The following PRKX variants were observed in gnomAD, a reference collection of about 807,000 sequenced individuals.
PRKX encodes protein kinase cAMP-dependent X-linked catalytic subunit.
A neutral mutation model predicts 22.0 loss-of-function variants in PRKX; 12 were observed. The observed-to-expected ratio is 0.54, with a 90% confidence interval of 0.35 to 0.88. The LOEUF (loss-of-function observed/expected upper bound fraction) is 0.88. Ranked by LOEUF, PRKX falls within the 40% of genes least tolerant of loss-of-function variation. The pLI, the probability that PRKX is intolerant of heterozygous loss-of-function variation, is 0.01. For missense variants in PRKX, 217 were observed against 308.0 expected (o/e 0.70, Z 2.21); for synonymous variants, 134 against 137.7 (o/e 0.97, Z 0.19).
intron 1 of PRKX, among the ~76,000 whole-genome samples, chrX:3,706,295 C>T (rs1357383896): frequency 1.9e-5 from 2 of 107,042 alleles, no homozygotes; most frequent in Non-Finnish European, 3.9e-5. Context: ...AGCAATCCTC[C>T]TGCCTCAGCC....
intron 1 of PRKX, among the ~76,000 whole-genome samples, chrX:3,686,431 C>T (rs1282084726): frequency 1.4e-4 from 15 of 104,529 alleles, no homozygotes; most frequent in African/African-American, 5.0e-4. Flanking sequence ...GACATGGGGT[C>T]TCACTCTGTT....
chrX:3,665,533 G>A (rs780022589), intron 2 of PRKX, among the ~76,000 whole-genome samples: 10 of 110,777 alleles, frequency 9.0e-5, no homozygotes, highest in Non-Finnish European at 1.7e-4. Context: ...ATCAGGCACT[G>A]GACAGATATT....
intron 1 of PRKX, among the ~76,000 whole-genome samples, chrX:3,711,644 C>G (rs1363113095): frequency 9.0e-6 from 1 of 111,688 alleles, no homozygotes; most frequent in Non-Finnish European, 1.9e-5. Flanking sequence ...GCGGCTGCGC[C>G]AGTCAGGGTT....
chrX:3,682,932 G>A (rs910667248), intron 1 of PRKX, among the ~76,000 whole-genome samples: 1 of 110,228 alleles, frequency 9.1e-6, no homozygotes, highest in South Asian at 4.0e-4. Context: ...ACACAATGAC[G>A]GGTGTTCCTG....
At chrX:3,703,226 G>A (rs1252675569) in intron 1 of PRKX, among the ~76,000 whole-genome samples, 1 of 111,285 alleles carries the variant, frequency 9.0e-6, no homozygotes, top group Admixed American at 9.6e-5. Context: ...GGCTGCAGCT[G>A]AGCTATTGAT....
intron 6 of PRKX, among the ~76,000 whole-genome samples, chrX:3,618,536 C>T (rs2146558596): frequency 9.0e-6 from 1 of 111,364 alleles, no homozygotes; most frequent in African/African-American, 3.3e-5. Context: ...TGTTAATGAA[C>T]TCAATGGACC....
chrX:3,700,944 A>G (rs1469008151), intron 1 of PRKX, among the ~76,000 whole-genome samples: 2 of 112,152 alleles, frequency 1.8e-5, no homozygotes, highest in Non-Finnish European at 3.8e-5. Flanking sequence ...TGTTTTCAAA[A>G]GAAAATACTA....
chrX:3,689,218 C>A (rs760955253), intron 1 of PRKX, among the ~76,000 whole-genome samples: 9 of 112,391 alleles, frequency 8.0e-5, no homozygotes, highest in Admixed American at 1.9e-4. Flanking sequence ...GACATTTTCC[C>A]CCCTGGGTAA....
At chrX:3,630,469 G>T (rs7883524) in intron 4 of PRKX, among the ~76,000 whole-genome samples, 1 of 110,231 alleles carries the variant, frequency 9.1e-6, no homozygotes, top group South Asian at 3.8e-4. Context: ...CTGAGGCAGC[G>T]GAATGGCGTG....
chrX:3,680,813 G>C (rs1004927592), intron 1 of PRKX, among the ~76,000 whole-genome samples: 6 of 111,835 alleles, frequency 5.4e-5, no homozygotes, highest in African/African-American at 2.0e-4. Flanking sequence ...AGCACTTTGG[G>C]AGGCCAAGGC....
intron 3 of PRKX, among the ~76,000 whole-genome samples, chrX:3,653,687 A>T (rs6641594): frequency 4.7e-4 from 29 of 62,057 alleles, no homozygotes; most frequent in Admixed American, 5.9e-4. Context: ...TAATATATAT[A>T]ATATACTATG....
At chrX:3,693,536 C>G (rs939453592) in intron 1 of PRKX, among the ~76,000 whole-genome samples, 1 of 110,831 alleles carries the variant, frequency 9.0e-6, no homozygotes, top group Non-Finnish European at 1.9e-5. Flanking sequence ...TCATGTTTAA[C>G]CCAGGGGATG....
At chrX:3,654,003 G>A (rs1470601440) in intron 3 of PRKX, among the ~76,000 whole-genome samples, 1 of 75,901 alleles carries the variant, frequency 1.3e-5, no homozygotes, top group African/African-American at 5.7e-5. Flanking sequence ...TATACTATGT[G>A]ATATATACTA....
chrX:3,611,128 T>TATCA (rs1260376211), intron 8 of PRKX: 7 of 111,906 alleles, frequency 6.3e-5, no homozygotes, highest in African/African-American at 2.3e-4. Context: ...CCTATTCCTC[T>TATCA]ATCATTTTGT....
At chrX:3,614,064 C>A (rs1467456713) in intron 7 of PRKX, among the ~76,000 whole-genome samples, 1 of 110,407 alleles carries the variant, frequency 9.1e-6, no homozygotes, top group Admixed American at 9.8e-5. Flanking sequence ...GATATGGAAT[C>A]AACCTAAGTG....
chrX:3,677,675 C>G (rs1198813788), intron 1 of PRKX, among the ~76,000 whole-genome samples: 1 of 111,260 alleles, frequency 9.0e-6, no homozygotes, highest in African/African-American at 3.3e-5. Flanking sequence ...AACTAAAATC[C>G]CCATGTTGTA....
chrX:3,624,824 T>A (rs1200390297), intron 5 of PRKX, among the ~76,000 whole-genome samples: 1 of 110,333 alleles, frequency 9.1e-6, no homozygotes, highest in African/African-American at 3.3e-5. Context: ...CTTGCTACAT[T>A]GTCCAGGCTG....
chrX:3,640,569 G>A (rs754359781), intron 4 of PRKX, among the ~76,000 whole-genome samples: 3 of 111,666 alleles, frequency 2.7e-5, no homozygotes, highest in African/African-American at 6.5e-5. Flanking sequence ...ACAAATGACC[G>A]ACCTCTGTTA....
intron 4 of PRKX, among the ~76,000 whole-genome samples, chrX:3,638,878 G>A (rs1200793515): frequency 5.7e-5 from 6 of 105,633 alleles, no homozygotes; most frequent in Non-Finnish European, 1.2e-4. Flanking sequence ...TAGATAAATA[G>A]GAAGTAGATG....
Sources: gnomAD v4.1 joint callset for allele counts (sites outside exome capture counted in the v4.1 genomes callset) on GRCh38, gnomAD v4.1.1 for gene constraint, MANE v1.5 for transcripts, NCBI Gene and HGNC (gene_info 2026-07-23, HGNC 2026-07-21) for gene names.